The following CPA6 variants were observed in gnomAD, a reference collection of about 807,000 sequenced individuals.
The protein encoded by CPA6 is carboxypeptidase B.
A neutral mutation model predicts 63.3 loss-of-function variants in CPA6; 58 were observed. The ratio of observed to expected loss-of-function variants is 0.92; its 90% CI spans 0.74 to 1.14. The LOEUF (loss-of-function observed/expected upper bound fraction) is 1.14, where lower values mean the gene tolerates loss of function less well. CPA6 is among the 50% of genes most tolerant of loss of function. The pLI is 0.00. For missense variants in CPA6, 565 were observed against 526.6 expected, an observed-to-expected ratio of 1.07 and a Z score of -0.71; for synonymous variants, 185 against 179.0, an observed-to-expected ratio of 1.03 and a Z score of -0.27.
rs184141593 is a variant in CPA6, at chr8:67,710,027, C to T, written c.116+35987G>A. Among the ~76,000 whole-genome samples the T allele has an allele frequency of 2.7e-4, 41 of 151,926 alleles. 1 individual carries two copies. Among genetic ancestry groups the T allele is most frequent in the Non-Finnish European group, 2.5e-4 (17 of 67,950 alleles). On this transcript the variant is annotated intron_variant, in intron 1 of 10. Transcript: ENST00000297770. ...ACTCAGGAGGCTGAGGAAGAAGAAT[C>T]GCTTGAACCCAGGAGGCAGAGGTTG...
Position 67,488,186 on chromosome 8 carries a change from G to T in CPA6, c.637-3397C>A, listed in dbSNP as rs530345855. ...TCTTCTAGGGTTTTTATGGTTTTAG[G>T]TCTAACATTTAAGTCTTTAATCCAT... On this transcript the variant is annotated intron_variant, in intron 6 of 10. Coordinates refer to ENST00000297770, the MANE Select transcript of CPA6 (RefSeq NM_020361.5). Among the ~76,000 whole-genome samples, 16 of 152,268 alleles carry T rather than the reference G, an allele frequency of 1.1e-4. No homozygotes were observed. In the East Asian group the frequency reaches 3.1e-3, roughly 29 times the overall value.
At chr8:67,728,685 C>T (rs1316871370) in intron 1 of CPA6, among the ~76,000 whole-genome samples, 1 of 152,112 alleles carries the variant, frequency 6.6e-6, no homozygotes, top group Non-Finnish European at 1.5e-5. Context: ...TTTATTTGTC[C>T]TAGTCTCTGC....
At chr8:67,664,228 C>A (rs949635125) in intron 1 of CPA6, among the ~76,000 whole-genome samples, 1 of 152,152 alleles carries the variant, frequency 6.6e-6, no homozygotes, top group African/African-American at 2.4e-5. Flanking sequence ...AGGTGAGAGA[C>A]TTTGATTCGA....
intron 1 of CPA6, among the ~76,000 whole-genome samples, chr8:67,693,581 G>A (rs1816855294): frequency 6.6e-6 from 1 of 152,198 alleles, no homozygotes; most frequent in Admixed American, 6.5e-5. Context: ...AGGTTGTAAA[G>A]GCAGAGGCCC....
intron 1 of CPA6, among the ~76,000 whole-genome samples, chr8:67,682,039 C>T: frequency 6.6e-6 from 1 of 151,958 alleles, no homozygotes; most frequent in South Asian, 2.1e-4. Context: ...CATAACGTGA[C>T]TTTTTTCCCT....
intron 1 of CPA6, among the ~76,000 whole-genome samples, chr8:67,655,740 G>T (rs1313339578): frequency 6.6e-6 from 1 of 151,996 alleles, no homozygotes; most frequent in East Asian, 1.9e-4. Flanking sequence ...GACTCTAAGG[G>T]CATCATTAAA....
chr8:67,620,709 C>G (rs906119104), intron 2 of CPA6, among the ~76,000 whole-genome samples: 2 of 152,152 alleles, frequency 1.3e-5, no homozygotes, highest in African/African-American at 4.8e-5. Context: ...TTTAAAATGA[C>G]ATCAAGGTAA....
intron 2 of CPA6, among the ~76,000 whole-genome samples, chr8:67,611,892 G>A (rs2128985195): frequency 6.6e-6 from 1 of 152,250 alleles, no homozygotes; most frequent in South Asian, 2.1e-4. Context: ...CTGATAGAGG[G>A]GAAGATGCTC....
chr8:67,564,982 AGCG>A (rs1813302004), intron 2 of CPA6, among the ~76,000 whole-genome samples: 1 of 152,170 alleles, frequency 6.6e-6, no homozygotes, highest in South Asian at 2.1e-4. Flanking sequence ...TGAGAACCGC[AGCG>A]TGGTCTTCTA....
chr8:67,545,358 C>T (rs190009877), intron 2 of CPA6, among the ~76,000 whole-genome samples: 55 of 152,166 alleles, frequency 3.6e-4, no homozygotes, highest in African/African-American at 9.2e-4. Context: ...ATAAATCTAA[C>T]GGCCACTTTT....
At chr8:67,729,939 C>T (rs2623847) in intron 1 of CPA6, among the ~76,000 whole-genome samples, 124,730 of 152,228 alleles carry the variant, frequency 0.82, 51,584 homozygotes, top group Admixed American at 0.87. Flanking sequence ...TTTTTTGAAA[C>T]CAGTGGATGT....
In CPA6 at chr8:67,685,685, G is replaced by A. The variant is rs185048321; in HGVS notation, c.116+60329C>T. 1.4e-4 allele frequency among the ~76,000 whole-genome samples: 21 copies of A among 152,258 alleles called. No homozygotes were observed. The South Asian group carries it at 2.5e-3, about 18-fold the overall frequency. On this transcript the variant is annotated intron_variant, in intron 1 of 10. Coordinates refer to ENST00000297770, the MANE Select transcript of CPA6 (RefSeq NM_020361.5). ...CACTGTGGTGTTATAACAGCTCATC[G>A]TGCCTGTAAAAAATTCACAGTTGTC...
intron 1 of CPA6, among the ~76,000 whole-genome samples, chr8:67,718,072 C>T (rs941211019): frequency 6.6e-6 from 1 of 152,050 alleles, no homozygotes; most frequent in African/African-American, 2.4e-5. Flanking sequence ...TTATGTTTTG[C>T]CTCCTAGAAG....
chr8:67,713,095 GTGTGTATATATATATA>G (rs1283688224), intron 1 of CPA6, among the ~76,000 whole-genome samples: 1,285 of 86,358 alleles, frequency 0.015, 60 homozygotes, highest in South Asian at 0.061. Context: ...GTGTGTGTGT[GTGTGTATATATATATA>G]TATATATATA....
At chr8:67,691,841 A>G (rs992641114) in intron 1 of CPA6, among the ~76,000 whole-genome samples, 1 of 151,772 alleles carries the variant, frequency 6.6e-6, no homozygotes, top group Non-Finnish European at 1.5e-5. Flanking sequence ...GAAGGGGGAT[A>G]GTGCTTGGAA....
intron 1 of CPA6, among the ~76,000 whole-genome samples, chr8:67,659,100 C>T (rs187495007): frequency 6.6e-6 from 1 of 152,372 alleles, no homozygotes; most frequent in Admixed American, 6.5e-5. Flanking sequence ...GCATGGGCTG[C>T]AAGCCCTATG....
intron 3 of CPA6, among the ~76,000 whole-genome samples, chr8:67,516,426 C>G (rs1410841926): frequency 6.6e-6 from 1 of 152,200 alleles, no homozygotes; most frequent in Non-Finnish European, 1.5e-5. Flanking sequence ...ACAGGCTCTT[C>G]CCTCAGCCTA....
chr8:67,603,812 T>G (rs1814556722), intron 2 of CPA6, among the ~76,000 whole-genome samples: 1 of 152,248 alleles, frequency 6.6e-6, no homozygotes, highest in African/African-American at 2.4e-5. Flanking sequence ...AAACTAAAAC[T>G]GCAGTTCTGC....
chr8:67,540,432 G>T (rs931700671), intron 2 of CPA6, among the ~76,000 whole-genome samples: 1 of 152,184 alleles, frequency 6.6e-6, no homozygotes, highest in Non-Finnish European at 1.5e-5. Flanking sequence ...CCTGTATGAG[G>T]TGTCTGTCAA....
Sources: allele counts gnomAD v4.1 joint callset (sites outside exome capture counted in the v4.1 genomes callset), GRCh38; gene constraint gnomAD v4.1.1; transcripts MANE v1.5; gene names NCBI Gene and HGNC (gene_info 2026-07-23, HGNC 2026-07-21).